Variants in DLEU7 observed in about 807,000 individuals in gnomAD.
DLEU7 encodes the protein leukemia-associated protein 7.
Under a neutral mutation model 16.0 loss-of-function variants are expected in DLEU7, and 17 were observed. That is an observed-to-expected ratio of 1.06 (90% CI 0.73 to 1.59). The LOEUF is 1.59. Among genes scored for constraint, DLEU7 ranks in the 40% most tolerant of loss-of-function variants. The pLI is 0.00. For synonymous variants in DLEU7, 113 were observed against 139.8 expected (o/e 0.81, Z 1.35); for missense variants, 308 against 314.9 (o/e 0.98, Z 0.17).
At chr13:50,725,394 A>G (rs1237841243) in intron 1 of DLEU7, among the ~76,000 whole-genome samples, 1 of 152,184 alleles carries the variant, frequency 6.6e-6, no homozygotes, top group Non-Finnish European at 1.5e-5. Flanking sequence ...GAGGCTGTGC[A>G]CTGCTTAAGA....
At chr13:50,784,038 C>G (rs1319062240) in intron 1 of DLEU7, among the ~76,000 whole-genome samples, 4 of 152,232 alleles carry the variant, frequency 2.6e-5, no homozygotes, top group African/African-American at 9.6e-5. Flanking sequence ...CGACCCGCCC[C>G]CTGTGTTTTG....
intron 1 of DLEU7, among the ~76,000 whole-genome samples, chr13:50,763,677 AC>A (rs756006301): frequency 2.0e-5 from 3 of 152,020 alleles, no homozygotes; most frequent in Non-Finnish European, 4.4e-5. Context: ...TCCTGCCCTG[AC>A]CCTTTTGACA....
chr13:50,767,016 G>A (rs1258102846), intron 1 of DLEU7, among the ~76,000 whole-genome samples: 1 of 152,082 alleles, frequency 6.6e-6, no homozygotes, highest in South Asian at 2.1e-4. Context: ...CTACTTAGAC[G>A]TTGCTAGTTT....
In DLEU7 at chr13:50,732,437, C is replaced by G. The variant is rs368318796; in HGVS notation, c.460-19197G>C. On this transcript the variant is annotated intron_variant, in intron 1 of 1. Transcript: ENST00000400393. ...CAGCCTGGCCAACATGGTGAAACCC[C>G]ATGTCTAATAAAAATACAAAAAATT... Among the ~76,000 whole-genome samples the G allele has an allele frequency of 1.9e-4, 29 of 151,956 alleles. 2 individuals carry two copies. In the South Asian group the frequency reaches 5.8e-3, roughly 30 times the overall value.
chr13:50,768,733 C>T (rs1014925478), intron 1 of DLEU7, among the ~76,000 whole-genome samples: 6 of 152,072 alleles, frequency 3.9e-5, no homozygotes, highest in East Asian at 1.9e-4. Flanking sequence ...TGAATAGTGC[C>T]GCAATAAACA....
At chr13:50,755,839 A>G (rs1253289058) in intron 1 of DLEU7, among the ~76,000 whole-genome samples, 1 of 152,022 alleles carries the variant, frequency 6.6e-6, no homozygotes, top group Non-Finnish European at 1.5e-5. Flanking sequence ...TCATTTAGGT[A>G]GGCTCCGTCA....
intron 1 of DLEU7, among the ~76,000 whole-genome samples, chr13:50,759,325 G>C (rs955244176): frequency 6.6e-5 from 10 of 152,130 alleles, no homozygotes; most frequent in African/African-American, 2.4e-4. Context: ...TATGGGTCTT[G>C]GTTCCTTCAT....
intron 1 of DLEU7, among the ~76,000 whole-genome samples, chr13:50,716,736 A>G (rs1399063991): frequency 6.6e-6 from 1 of 152,248 alleles, no homozygotes; most frequent in Non-Finnish European, 1.5e-5. Flanking sequence ...TGTAATCTGT[A>G]TATGTAATAA....
intron 1 of DLEU7, among the ~76,000 whole-genome samples, chr13:50,754,286 A>G (rs1397099497): frequency 1.3e-5 from 2 of 152,156 alleles, no homozygotes; most frequent in Non-Finnish European, 2.9e-5. Flanking sequence ...GTCCCCCACT[A>G]TTATTGTGTT....
chr13:50,744,132 G>A (rs557167069), intron 1 of DLEU7, among the ~76,000 whole-genome samples: 1 of 152,218 alleles, frequency 6.6e-6, no homozygotes, highest in African/African-American at 2.4e-5. Flanking sequence ...CTTCACCCTG[G>A]CAGCAGCAAT....
intron 1 of DLEU7, among the ~76,000 whole-genome samples, chr13:50,803,405 A>G (rs561490709): frequency 3.4e-4 from 52 of 152,234 alleles, no homozygotes; most frequent in African/African-American, 1.2e-3. Flanking sequence ...ACATTTCCTT[A>G]TTGATATAAT....
At position 50,843,485 on chromosome 13, in the gene DLEU7, TGAGCGACGGGCTG is replaced by T; in HGVS notation, c.149_161del (p.Pro50GlnfsTer37). ...GCCCCGGCCGGGCCCGCGGCGGGCCTGAGCGACGGGCTGGAGCGGTGGACACGTGGTCTGGGTC... is the reference window on the plus strand; with the variant it reads ...GCCCCGGCCGGGCCCGCGGCGGGCCTGAGCGGTGGACACGTGGTCTGGGTC... On this transcript the variant is annotated frameshift_variant, in exon 1 of 2. Transcript: ENST00000504404. LOFTEE classifies it high-confidence loss of function. This position sits in a 1 kb window ranked among gnomAD's most constrained non-coding sequence, Gnocchi z 5.7. 4 of 1,355,600 alleles carry T rather than the reference TGAGCGACGGGCTG, an allele frequency of 3.0e-6. No individual in the cohort carries two copies. The highest frequency in any genetic ancestry group is 3.8e-6 in the Non-Finnish European group (4 of 1,062,222). The allele number at this position is 1,355,600 out of a possible 1,614,324, so 84.0% of individuals were successfully genotyped here. A position where few individuals can be genotyped will look rare whatever the true frequency, so the allele number is the denominator to read the frequency against.
At chr13:50,819,028 TAAA>T (rs1876817791), downstream of DLEU7, among the ~76,000 whole-genome samples, 1 of 152,174 alleles carries the variant, frequency 6.6e-6, no homozygotes, top group African/African-American at 2.4e-5. Flanking sequence ...TTGATTAAGA[TAAA>T]CATAACTTTT....
chr13:50,764,020 A>G (rs1392679358), intron 1 of DLEU7, among the ~76,000 whole-genome samples: 1 of 152,264 alleles, frequency 6.6e-6, no homozygotes, highest in African/African-American at 2.4e-5. Context: ...CTGTGTTTAT[A>G]GTCCCGCACT....
At chr13:50,754,925 CTG>C (rs1185710840) in intron 1 of DLEU7, among the ~76,000 whole-genome samples, 4 of 152,178 alleles carry the variant, frequency 2.6e-5, no homozygotes, top group African/African-American at 9.7e-5. Context: ...CTGAAAAAGA[CTG>C]TATCTTTCCT....
chr13:50,762,462 A>G (rs1874967042), intron 1 of DLEU7, among the ~76,000 whole-genome samples: 1 of 152,172 alleles, frequency 6.6e-6, no homozygotes, highest in South Asian at 2.1e-4. Flanking sequence ...GGTAAAGCCC[A>G]GGTCGGAACC....
At chr13:50,753,540 C>T (rs34663107) in intron 1 of DLEU7, among the ~76,000 whole-genome samples, 71,616 of 151,670 alleles carry the variant, frequency 0.47, 17,895 homozygotes, top group African/African-American at 0.63. Context: ...CCTCCACAGC[C>T]GCTGGCCCGG....
intron 1 of DLEU7, among the ~76,000 whole-genome samples, chr13:50,758,025 AT>A (rs5803530): frequency 0.029 from 2,589 of 89,048 alleles, 55 homozygotes; most frequent in African/African-American, 0.11. Flanking sequence ...CATTACCAAG[AT>A]TTTTTTTTTT....
At chr13:50,772,679 C>A (rs1250043812) in intron 1 of DLEU7, among the ~76,000 whole-genome samples, 1 of 152,186 alleles carries the variant, frequency 6.6e-6, no homozygotes. Context: ...CCCGACCTTT[C>A]TCTCTGGCTG....
Sources: gnomAD v4.1 joint callset for allele counts (sites outside exome capture counted in the v4.1 genomes callset) on GRCh38, gnomAD v4.1.1 for gene constraint, Gnocchi (gnomAD v3.1) non-coding constraint, MANE v1.5 for transcripts, NCBI Gene and HGNC (gene_info 2026-07-23, HGNC 2026-07-21) for gene names.